The following AATF variants were observed in gnomAD, a reference collection of about 807,000 sequenced individuals.
AATF encodes the protein protein AATF.
Under a neutral mutation model 63.7 loss-of-function variants are expected in AATF, and 48 were observed. That is an observed-to-expected ratio of 0.75 (90% confidence interval 0.60 to 0.96). The LOEUF is 0.96. Ranked by LOEUF, AATF falls within the 40% of genes least tolerant of loss-of-function variation. The probability of loss-of-function intolerance (pLI) is 0.00; values close to 1 mark genes in which losing one functional copy is unlikely to be tolerated. For missense variants in AATF, 639 were observed against 685.7 expected, an observed-to-expected ratio of 0.93 and a Z score of 0.76; for synonymous variants, 258 against 247.7, an observed-to-expected ratio of 1.04 and a Z score of -0.39.
At chr17:36,960,571 C>T (rs1427445808) in intron 4 of AATF, among the ~76,000 whole-genome samples, 1 of 152,124 alleles carries the variant, frequency 6.6e-6, no homozygotes, top group Non-Finnish European at 1.5e-5. Flanking sequence ...TCACTGAAAT[C>T]CCCCCCTTTT....
chr17:36,958,551 A>G (rs1277722320), intron 4 of AATF, among the ~76,000 whole-genome samples: 4 of 152,186 alleles, frequency 2.6e-5, no homozygotes, highest in African/African-American at 9.7e-5. Context: ...GAAGTTACTT[A>G]AGGAAATCTC....
intron 8 of AATF, among the ~76,000 whole-genome samples, chr17:37,002,952 A>ATTTTTTTTTTTTTTTT: frequency 6.9e-6 from 1 of 144,682 alleles, no homozygotes. Flanking sequence ...TGATTCTAAA[A>ATTTTTTTTTTTTTTTT]TTCATATGGA....
At chr17:36,983,930 A>C (rs1228195651) in intron 4 of AATF, among the ~76,000 whole-genome samples, 1 of 152,192 alleles carries the variant, frequency 6.6e-6, no homozygotes, top group East Asian at 1.9e-4. Context: ...TGGCTCTCTC[A>C]GGTAGGTTGG....
chr17:37,033,143 A>G (rs1261763990), intron 11 of AATF, among the ~76,000 whole-genome samples: 1 of 152,196 alleles, frequency 6.6e-6, no homozygotes, highest in South Asian at 2.1e-4. Flanking sequence ...AAAACAGCCT[A>G]TGGATGGTTC....
Position 37,040,717 on chromosome 17 carries a change from G to T in AATF, c.1619+9032G>T, listed in dbSNP as rs185865943. On this transcript the variant is annotated intron_variant, in intron 11 of 11. Transcript: ENST00000619387. ...AGCTACTCTTTCAAAAACTTATTTG[G>T]GGGGGGGAACTTCTTTAGATTAAAA... Among the ~76,000 whole-genome samples the T allele has an allele frequency of 8.8e-3, 1,083 of 122,782 alleles. 5 individuals carry two copies. The highest frequency in any genetic ancestry group is 0.035 in the Middle Eastern group (8 of 228). The allele number at this position is 122,782 out of a possible 152,430, so 80.5% of individuals were successfully genotyped here. A position where few individuals can be genotyped will look rare whatever the true frequency, so the allele number is the denominator to read the frequency against.
In AATF at chr17:37,003,358, G is replaced by GA. The variant is rs528804576; in HGVS notation, c.1398+12509dup. Among the ~76,000 whole-genome samples the GA allele has an allele frequency of 4.3e-4, 64 of 148,444 alleles. No homozygotes were observed. The South Asian group carries it at 6.2e-3, about 14-fold the overall frequency. On this transcript the variant is annotated intron_variant, in intron 8 of 11. Coordinates refer to ENST00000619387, the MANE Select transcript of AATF (RefSeq NM_012138.4). ...AAGAGCTGAAACTATTAAACTTTTAGAAAAAAAACAGGAGTAAATCTTCAT... is the reference window on the plus strand; with the variant it reads ...AAGAGCTGAAACTATTAAACTTTTAGAAAAAAAAACAGGAGTAAATCTTCAT...
Position 36,995,342 on chromosome 17 carries a change from T to A in AATF, c.1398+4485T>A, listed in dbSNP as rs564533182. ...AATGCCATAAACAGGTAATTACTAA[T>A]TCAGTGAACTATTAAAAGTCGATAA... On this transcript the variant is annotated intron_variant, in intron 8 of 11. Coordinates refer to ENST00000619387, the MANE Select transcript of AATF (RefSeq NM_012138.4). 4.5e-4 allele frequency among the ~76,000 whole-genome samples: 68 copies of A among 152,332 alleles called. 1 individual carries two copies. Among genetic ancestry groups the A allele is most frequent in the African/African-American group, 1.6e-3 (68 of 41,568 alleles).
chr17:37,051,699 C>CAG (rs1425307860), intron 11 of AATF, among the ~76,000 whole-genome samples: 67 of 137,678 alleles, frequency 4.9e-4, no homozygotes, highest in East Asian at 1.8e-3. Context: ...GACAGACAGA[C>CAG]ACACACACAC....
At chr17:37,019,232 C>T (rs924302066) in intron 9 of AATF, among the ~76,000 whole-genome samples, 160 bp downstream of exon 9, 1 of 152,250 alleles carries the variant, frequency 6.6e-6, no homozygotes, top group Non-Finnish European at 1.5e-5. Context: ...GTTTACCCTA[C>T]ATTGCCTAAA....
At chr17:37,015,122 G>C (rs2071419811) in intron 8 of AATF, among the ~76,000 whole-genome samples, 1 of 152,158 alleles carries the variant, frequency 6.6e-6, no homozygotes, top group African/African-American at 2.4e-5. Context: ...ATCCTTAACT[G>C]TCTGTTCATA....
chr17:36,955,830 A>G (rs1313225579), intron 4 of AATF, among the ~76,000 whole-genome samples: 1 of 152,140 alleles, frequency 6.6e-6, no homozygotes, highest in Non-Finnish European at 1.5e-5. Context: ...TAGCGTGATC[A>G]TAGCTCGTTG....
intron 11 of AATF, among the ~76,000 whole-genome samples, chr17:37,048,491 C>T (rs1188175857): frequency 1.3e-5 from 2 of 151,538 alleles, no homozygotes; most frequent in African/African-American, 4.9e-5. Flanking sequence ...CCGGCTCAGC[C>T]TCCCAAGTAC....
At chr17:37,051,685 GACAGACAGACAGACAC>G (rs2071751453) in intron 11 of AATF, among the ~76,000 whole-genome samples, 1 of 128,180 alleles carries the variant, frequency 7.8e-6, no homozygotes, top group Non-Finnish European at 1.7e-5. Context: ...AAGACAGACA[GACAGACAGACAGACAC>G]ACACACACAC....
intron 8 of AATF, among the ~76,000 whole-genome samples, chr17:37,009,599 T>C (rs1219499854): frequency 6.1e-5 from 9 of 146,986 alleles, no homozygotes; most frequent in African/African-American, 1.8e-4. Context: ...GGGTGGATCA[T>C]GAGGTCAGGA....
intron 11 of AATF, among the ~76,000 whole-genome samples, chr17:37,049,899 G>T (rs551637112): frequency 6.6e-6 from 1 of 152,268 alleles, no homozygotes; most frequent in South Asian, 2.1e-4. Context: ...TATGTGTTCA[G>T]AGTGCAGGAG....
chr17:36,953,400 A>G, intron 3 of AATF, 104 bp downstream of exon 3: 2 of 1,516,062 alleles, frequency 1.3e-6, no homozygotes, highest in Non-Finnish European at 1.8e-6. Flanking sequence ...GTGTCCTTTC[A>G]ATTAGTTTGT....
At chr17:37,048,363 CTTTTTTTTTTTTTTTTT>C (rs60374815) in intron 11 of AATF, among the ~76,000 whole-genome samples, 1 of 70,842 alleles carries the variant, frequency 1.4e-5, no homozygotes, top group Non-Finnish European at 2.7e-5. Flanking sequence ...TTTTTCTTTT[CTTTTTTTTTTTTTTTTT>C]TTTTTTTTTA....
intron 8 of AATF, among the ~76,000 whole-genome samples, chr17:37,011,764 GGATGAGTAGTGCTA>G (rs1440808253): frequency 6.6e-6 from 1 of 152,134 alleles, no homozygotes; most frequent in African/African-American, 2.4e-5. Flanking sequence ...AAGTCTAATA[GGATGAGTAGTGCTA>G]GATGCCCATT....
chr17:36,951,122 A>T (rs1227481144), intron 2 of AATF, among the ~76,000 whole-genome samples: 2 of 152,210 alleles, frequency 1.3e-5, no homozygotes, highest in African/African-American at 4.8e-5. Flanking sequence ...AATTTCTCAG[A>T]GTGGAAGAAG....
Sources: allele counts gnomAD v4.1 joint callset (sites outside exome capture counted in the v4.1 genomes callset), GRCh38; gene constraint gnomAD v4.1.1; transcripts MANE v1.5; gene names NCBI Gene and HGNC (gene_info 2026-07-23, HGNC 2026-07-21).